GUCY1A2: variants seen among roughly 807,000 people sequenced by gnomAD.
GUCY1A2 encodes guanylate cyclase 1 soluble subunit alpha 2, also known as guanylate cyclase soluble subunit alpha-2.
In GUCY1A2, 27 loss-of-function variants were observed where a neutral mutation model predicts 63.5. The observed-to-expected ratio is 0.43, with a 90% CI of 0.31 to 0.59. The LOEUF is 0.59. Ranked by LOEUF, GUCY1A2 falls within the 20% of genes least tolerant of loss-of-function variation. GUCY1A2 has a pLI of 0.11. For synonymous variants in GUCY1A2, 364 were observed against 343.5 expected, an observed-to-expected ratio of 1.06 and a Z score of -0.66; for missense variants, 768 against 913.3, an observed-to-expected ratio of 0.84 and a Z score of 2.05.
intron 7 of GUCY1A2, among the ~76,000 whole-genome samples, chr11:106,688,258 G>A (rs868197617): frequency 3.3e-5 from 5 of 152,022 alleles, no homozygotes; most frequent in South Asian, 2.1e-4. Flanking sequence ...ACAACACTTC[G>A]TGACTCCCAA....
At chr11:106,979,327 C>T (rs1042486000) in intron 2 of GUCY1A2, among the ~76,000 whole-genome samples, 12 of 151,944 alleles carry the variant, frequency 7.9e-5, no homozygotes, top group African/African-American at 2.2e-4. Context: ...TGGTGGCAGG[C>T]GCCTGTAGTC....
At chr11:106,929,978 T>C (rs1277851549) in intron 4 of GUCY1A2, among the ~76,000 whole-genome samples, 2 of 152,182 alleles carry the variant, frequency 1.3e-5, no homozygotes. Context: ...TACTAATGGA[T>C]AGACAGATAT....
intron 3 of GUCY1A2, among the ~76,000 whole-genome samples, chr11:106,975,611 A>C (rs1324767094): frequency 1.3e-5 from 2 of 152,204 alleles, no homozygotes; most frequent in Non-Finnish European, 2.9e-5. Context: ...AATATGGTGA[A>C]GAGATGGCAA....
In GUCY1A2 at chr11:106,814,950, T is replaced by C. The variant is rs1277640377; in HGVS notation, c.1207-4472A>G. Among the ~76,000 whole-genome samples, 3 of 152,002 alleles carry C rather than the reference T, an allele frequency of 2.0e-5. No individual in the cohort carries two copies. In the East Asian group the frequency reaches 5.8e-4, roughly 29 times the overall value. ...AACTTGAATGAGAAAAGACAATCGATTGACGCCAACACTAAAATGAATCAG... is the reference window on the plus strand; with the variant it reads ...AACTTGAATGAGAAAAGACAATCGACTGACGCCAACACTAAAATGAATCAG... On this transcript the variant is annotated intron_variant, in intron 4 of 7. Transcript: ENST00000526355.
chr11:106,990,858 A>G (rs1362903897), intron 1 of GUCY1A2, among the ~76,000 whole-genome samples: 2 of 152,230 alleles, frequency 1.3e-5, no homozygotes, highest in African/African-American at 2.4e-5. Flanking sequence ...GCACTTCATC[A>G]TGCCAAAAAA....
chr11:107,011,054 C>T (rs183038078), intron 1 of GUCY1A2, among the ~76,000 whole-genome samples: 218 of 152,212 alleles, frequency 1.4e-3, no homozygotes, highest in African/African-American at 5.1e-3. Flanking sequence ...ATTGAACAAC[C>T]ATACTATGCT....
chr11:106,879,277 GT>G (rs1314926030), intron 4 of GUCY1A2, among the ~76,000 whole-genome samples: 1 of 152,078 alleles, frequency 6.6e-6, no homozygotes, highest in Non-Finnish European at 1.5e-5. Context: ...TTCATACAAA[GT>G]AATTGCCCAG....
At chr11:106,869,613 G>T (rs1859645129) in intron 4 of GUCY1A2, among the ~76,000 whole-genome samples, 1 of 152,164 alleles carries the variant, frequency 6.6e-6, no homozygotes, top group African/African-American at 2.4e-5. Context: ...AGCAACAGGT[G>T]CTGGAGAGGA....
chr11:106,876,860 A>T (rs1033980144), intron 4 of GUCY1A2, among the ~76,000 whole-genome samples: 1 of 152,098 alleles, frequency 6.6e-6, no homozygotes, highest in Admixed American at 6.6e-5. Context: ...TCCCCAAAAG[A>T]TATCCCAGTC....
intron 1 of GUCY1A2, among the ~76,000 whole-genome samples, chr11:107,013,359 C>T (rs1861774520): frequency 6.6e-6 from 1 of 152,188 alleles, no homozygotes; most frequent in Non-Finnish European, 1.5e-5. Flanking sequence ...ATTGATGTCG[C>T]AGTGATAGGG....
intron 4 of GUCY1A2, among the ~76,000 whole-genome samples, chr11:106,889,869 G>A (rs1216059756): frequency 6.6e-6 from 1 of 152,182 alleles, no homozygotes; most frequent in African/African-American, 2.4e-5. Context: ...ATGTATTTCA[G>A]AGGGTTCTTT....
intron 5 of GUCY1A2, among the ~76,000 whole-genome samples, chr11:106,800,139 G>T (rs1864846869): frequency 6.6e-6 from 1 of 152,188 alleles, no homozygotes. Flanking sequence ...ATGAAAAAAT[G>T]CTTATCATCA....
chr11:106,728,349 C>A (rs928964041), intron 6 of GUCY1A2, among the ~76,000 whole-genome samples: 3 of 152,128 alleles, frequency 2.0e-5, no homozygotes, highest in Admixed American at 2.0e-4. Flanking sequence ...TCTGCTATCC[C>A]AGTTTCTTGT....
At chr11:106,796,135 GC>G (rs1245218137) in intron 5 of GUCY1A2, among the ~76,000 whole-genome samples, 2 of 152,080 alleles carry the variant, frequency 1.3e-5, no homozygotes, top group Non-Finnish European at 2.9e-5. Flanking sequence ...TGCAACTCCT[GC>G]CTTTTTTGTT....
chr11:106,748,738 G>A (rs540701660), intron 6 of GUCY1A2, among the ~76,000 whole-genome samples: 15 of 152,078 alleles, frequency 9.9e-5, no homozygotes, highest in Admixed American at 9.8e-4. Context: ...TTTTTAATAC[G>A]CTAATATTTA....
chr11:106,745,319 T>A (rs1342295176), intron 6 of GUCY1A2, among the ~76,000 whole-genome samples: 1 of 152,162 alleles, frequency 6.6e-6, no homozygotes, highest in Non-Finnish European at 1.5e-5. Context: ...ACCCACACAC[T>A]CTCTTTCTCT....
In GUCY1A2 at chr11:106,959,464, T is replaced by C. The variant is rs139631808; in HGVS notation, c.487+19155A>G. 2.0e-4 allele frequency among the ~76,000 whole-genome samples: 30 copies of C among 152,284 alleles called. No individual in the cohort carries two copies. In the East Asian group the frequency reaches 5.4e-3, roughly 27 times the overall value. ...AATGTTCATGATATGCCCAAACACT[T>C]TATGTATAAAGTTTTCTTTTTTGTA... is the stretch of plus-strand genomic sequence containing the variant. On this transcript the variant is annotated intron_variant, in intron 3 of 7. Coordinates refer to ENST00000526355, the MANE Select transcript of GUCY1A2 (RefSeq NM_000855.3).
intron 5 of GUCY1A2, among the ~76,000 whole-genome samples, chr11:106,798,723 G>T (rs1226148745): frequency 6.6e-6 from 1 of 152,068 alleles, no homozygotes; most frequent in Non-Finnish European, 1.5e-5. Flanking sequence ...AGCCCTTCAT[G>T]CTAAAAACTC....
chr11:106,776,952 G>C (rs1322990948), intron 5 of GUCY1A2, among the ~76,000 whole-genome samples: 1 of 152,050 alleles, frequency 6.6e-6, no homozygotes. Context: ...TATTCCTTTG[G>C]AAAGCATTTT....
Sources: gnomAD v4.1 joint callset for allele counts (sites outside exome capture counted in the v4.1 genomes callset) on GRCh38, gnomAD v4.1.1 for gene constraint, MANE v1.5 for transcripts, NCBI Gene and HGNC (gene_info 2026-07-23, HGNC 2026-07-21) for gene names.